Variants in KHDRBS2 observed in about 807,000 individuals in gnomAD.
KHDRBS2 encodes KH RNA binding domain containing, signal transduction associated 2.
In KHDRBS2, 26 loss-of-function variants were observed where a neutral mutation model predicts 44.3. That is an observed-to-expected ratio of 0.59 (90% confidence interval 0.43 to 0.81). The LOEUF (loss-of-function observed/expected upper bound fraction) is 0.81, where lower values mean the gene tolerates loss of function less well. KHDRBS2 is among the 40% of genes least tolerant of loss of function. The pLI is 0.00. For missense variants in KHDRBS2, 476 were observed against 433.1 expected, an observed-to-expected ratio of 1.10 and a Z score of -0.88; for synonymous variants, 194 against 151.1, an observed-to-expected ratio of 1.28 and a Z score of -2.08.
intron 1 of KHDRBS2, among the ~76,000 whole-genome samples, chr6:62,266,612 T>A (rs1242369789): frequency 6.6e-6 from 1 of 152,000 alleles, no homozygotes; most frequent in Non-Finnish European, 1.5e-5. Context: ...ATTACCTGCA[T>A]TTCAAATGAT....
At chr6:62,200,132 C>A (rs545574811) in intron 1 of KHDRBS2, among the ~76,000 whole-genome samples, 16 of 152,226 alleles carry the variant, frequency 1.1e-4, no homozygotes, top group African/African-American at 3.6e-4. Context: ...CATAAAAACC[C>A]TAGAAGCAAA....
intron 6 of KHDRBS2, among the ~76,000 whole-genome samples, chr6:61,869,158 G>A (rs1696059584): frequency 6.6e-6 from 1 of 152,182 alleles, no homozygotes; most frequent in African/African-American, 2.4e-5. Flanking sequence ...CATGGGTCAA[G>A]TTGTTTTCCT....
chr6:61,598,737 T>A, the KHDRBS2 span, among the ~76,000 whole-genome samples: 1 of 151,810 alleles, frequency 6.6e-6, no homozygotes, highest in Non-Finnish European at 1.5e-5. Flanking sequence ...AAACTTTACA[T>A]CTCTCCCTGG....
chr6:62,012,355 TG>T (rs1229870005), intron 3 of KHDRBS2, among the ~76,000 whole-genome samples: 2 of 152,202 alleles, frequency 1.3e-5, no homozygotes, highest in East Asian at 3.9e-4. Context: ...GCTTGTCCAC[TG>T]TAGCAATTTC....
intron 4 of KHDRBS2, among the ~76,000 whole-genome samples, chr6:61,963,849 T>C (rs1298279282): frequency 3.3e-5 from 5 of 152,076 alleles, no homozygotes; most frequent in East Asian, 1.9e-4. Flanking sequence ...ACTTCTGTGA[T>C]CTATAAATTA....
At chr6:61,669,945 C>T in the KHDRBS2 span, among the ~76,000 whole-genome samples, 2 of 150,800 alleles carry the variant, frequency 1.3e-5, no homozygotes, top group Non-Finnish European at 3.0e-5. Flanking sequence ...ATTGAAATTG[C>T]ATATATTTAC....
chr6:62,180,406 T>A (rs973214644), intron 1 of KHDRBS2, among the ~76,000 whole-genome samples: 1 of 151,748 alleles, frequency 6.6e-6, no homozygotes, highest in Non-Finnish European at 1.5e-5. Flanking sequence ...AGCAACAAAC[T>A]ATCCAAAAAA....
chr6:62,046,103 T>A (rs1787634145), intron 3 of KHDRBS2, among the ~76,000 whole-genome samples: 1 of 151,836 alleles, frequency 6.6e-6, no homozygotes, highest in Non-Finnish European at 1.5e-5. Context: ...ACATGATGGA[T>A]CACACAAAGA....
chr6:61,888,561 CTTTTTTTTT>C (rs139822708), intron 6 of KHDRBS2, among the ~76,000 whole-genome samples: 1 of 110,976 alleles, frequency 9.0e-6, no homozygotes, highest in African/African-American at 3.8e-5. Context: ...TTTCTAATTC[CTTTTTTTTT>C]TTTTTTTTTT....
chr6:62,221,370 A>T (rs1397001292), intron 1 of KHDRBS2, among the ~76,000 whole-genome samples: 3 of 152,190 alleles, frequency 2.0e-5, no homozygotes, highest in African/African-American at 7.2e-5. Flanking sequence ...GGCTAAACAA[A>T]CCTAGAAATA....
chr6:62,058,720 C>G (rs541618583), intron 2 of KHDRBS2, among the ~76,000 whole-genome samples: 15 of 151,742 alleles, frequency 9.9e-5, no homozygotes, highest in Non-Finnish European at 1.8e-4. Flanking sequence ...GCAAAAATAT[C>G]AAGCTATGCC....
rs546044766 is a variant in KHDRBS2 at position 62,077,091 on chromosome 6, G to A, written c.220-29097C>T. Among the ~76,000 whole-genome samples the A allele has an allele frequency of 4.5e-4, 69 of 152,062 alleles. 1 individual carries two copies. The highest frequency in any genetic ancestry group is 1.6e-3 in the African/African-American group (65 of 41,502). ...AATAATAAATTTACTCCAAGATCTTGCAGAACCTGTAGAAATATCTGTTGA... is the reference window on the plus strand; with the variant it reads ...AATAATAAATTTACTCCAAGATCTTACAGAACCTGTAGAAATATCTGTTGA... On this transcript the variant is annotated intron_variant, in intron 2 of 8. Transcript: ENST00000281156.
At chr6:62,074,689 A>G (rs576676401) in intron 2 of KHDRBS2, among the ~76,000 whole-genome samples, 20 of 152,074 alleles carry the variant, frequency 1.3e-4, no homozygotes, top group Non-Finnish European at 2.7e-4. Flanking sequence ...ATGTCCAGAT[A>G]GAGCTTTATC....
At chr6:61,660,744 T>G in the KHDRBS2 span, among the ~76,000 whole-genome samples, 1 of 151,878 alleles carries the variant, frequency 6.6e-6, no homozygotes, top group Admixed American at 6.6e-5. Flanking sequence ...TGGAAGTCCC[T>G]ATATCTTGGC....
chr6:62,001,017 GTCACCATTTGTGCT>G (rs1466928452), intron 3 of KHDRBS2, among the ~76,000 whole-genome samples: 1 of 152,154 alleles, frequency 6.6e-6, no homozygotes, highest in Non-Finnish European at 1.5e-5. Context: ...TTTGACAAGA[GTCACCATTTGTGCT>G]TGAGCAATAA....
intron 6 of KHDRBS2, among the ~76,000 whole-genome samples, chr6:61,829,012 A>T (rs1326943036): frequency 6.6e-6 from 1 of 152,262 alleles, no homozygotes; most frequent in East Asian, 1.9e-4. Context: ...TTAAAAATTT[A>T]TGCAGCCTTT....
chr6:62,099,449 A>G (rs942252174), intron 2 of KHDRBS2, among the ~76,000 whole-genome samples: 15 of 152,084 alleles, frequency 9.9e-5, no homozygotes, highest in African/African-American at 3.6e-4. Context: ...TTTATCCCAT[A>G]TCCTCGGTTG....
chr6:62,023,546 TAA>T (rs896391074), intron 3 of KHDRBS2, among the ~76,000 whole-genome samples: 1 of 151,660 alleles, frequency 6.6e-6, no homozygotes, highest in African/African-American at 2.4e-5. Context: ...ATATTTTTAT[TAA>T]AAATAATTTT....
chr6:61,814,947 C>T (rs1213990366), intron 6 of KHDRBS2, among the ~76,000 whole-genome samples: 2 of 152,164 alleles, frequency 1.3e-5, no homozygotes, highest in African/African-American at 4.8e-5. Context: ...ATATAACCTA[C>T]ACACTTCCTC....
Sources: allele counts gnomAD v4.1 joint callset (sites outside exome capture counted in the v4.1 genomes callset), GRCh38; gene constraint gnomAD v4.1.1; transcripts MANE v1.5; gene names NCBI Gene and HGNC (gene_info 2026-07-23, HGNC 2026-07-21).